SYN3: variants seen among roughly 807,000 people sequenced by gnomAD.
SYN3 encodes the protein synapsin III.
SYN3 carries 35 observed loss-of-function variants against 65.8 expected under a neutral mutation model. The ratio of observed to expected loss-of-function variants is 0.53; its 90% CI spans 0.41 to 0.70. SYN3 has a LOEUF of 0.70. Ranked by LOEUF, SYN3 falls within the 30% of genes least tolerant of loss-of-function variation. The pLI is 0.00. For missense variants in SYN3, 680 were observed against 749.0 expected, an observed-to-expected ratio of 0.91 and a Z score of 1.08; for synonymous variants, 270 against 292.9, an observed-to-expected ratio of 0.92 and a Z score of 0.80.
intron 8 of SYN3, among the ~76,000 whole-genome samples, chr22:32,539,791 G>GA (rs57215045): frequency 0.052 from 7,708 of 147,372 alleles, 242 homozygotes; most frequent in South Asian, 0.078. Context: ...TAATCCTCAA[G>GA]AAAAAAAAAA....
chr22:32,948,003 G>C (rs542134959), intron 3 of SYN3, among the ~76,000 whole-genome samples: 37 of 152,286 alleles, frequency 2.4e-4, no homozygotes, highest in African/African-American at 8.7e-4. Flanking sequence ...CTCGTTTCCT[G>C]GGAGAGACTC....
intron 6 of SYN3, among the ~76,000 whole-genome samples, chr22:32,751,801 T>C (rs6518791): frequency 0.072 from 10,894 of 152,198 alleles, 1,308 homozygotes; most frequent in African/African-American, 0.25. Flanking sequence ...AAATCTTGTT[T>C]TATGATGGCC....
At chr22:32,669,080 A>G (rs1288303688) in intron 6 of SYN3, among the ~76,000 whole-genome samples, 1 of 152,232 alleles carries the variant, frequency 6.6e-6, no homozygotes, top group Non-Finnish European at 1.5e-5. Context: ...ATGTAAATCT[A>G]TATTTTGCAG....
rs550205814 is a variant in SYN3, at chr22:32,549,321, A to C, written c.775-7608T>G. Among the ~76,000 whole-genome samples, 24 of 152,034 alleles carry C rather than the reference A, an allele frequency of 1.6e-4. 1 individual carries two copies. The highest frequency in any genetic ancestry group is 5.8e-4 in the African/African-American group (24 of 41,470). ...CAGGCTGGAATGCAGTGGCATGATC[A>C]TGGCTTACTGTAGCTTCAACCTCCT... On this transcript the variant is annotated intron_variant, in intron 7 of 13. Transcript: ENST00000358763.
chr22:32,582,131 C>T (rs1335801857), intron 7 of SYN3, among the ~76,000 whole-genome samples: 1 of 152,114 alleles, frequency 6.6e-6, no homozygotes, highest in Admixed American at 6.5e-5. Context: ...ATCTGGAAAT[C>T]AGGCTTCCCT....
chr22:32,554,535 C>T (rs1020318720), intron 7 of SYN3, among the ~76,000 whole-genome samples: 9 of 152,136 alleles, frequency 5.9e-5, no homozygotes, highest in Non-Finnish European at 1.2e-4. Flanking sequence ...TGCAAGCTCT[C>T]TGTCCTTAGG....
chr22:32,916,611 C>T (rs1199642972), intron 4 of SYN3, among the ~76,000 whole-genome samples: 2 of 152,160 alleles, frequency 1.3e-5, no homozygotes, highest in Non-Finnish European at 2.9e-5. Context: ...CCCAGGCTAG[C>T]TGTGCAATGG....
chr22:33,048,478 G>A (rs1489088881), intron 1 of SYN3, among the ~76,000 whole-genome samples: 1 of 152,148 alleles, frequency 6.6e-6, no homozygotes, highest in Non-Finnish European at 1.5e-5. Flanking sequence ...TTTGGTGATG[G>A]GGGTGGATCC....
At chr22:32,660,116 G>A (rs2060196244) in intron 6 of SYN3, among the ~76,000 whole-genome samples, 1 of 152,154 alleles carries the variant, frequency 6.6e-6, no homozygotes, top group South Asian at 2.1e-4. Flanking sequence ...CATGCATTGA[G>A]CACCCATTAC....
rs56377603 is a variant in SYN3 at position 32,995,528 on chromosome 22, C to T, written c.311+10824G>A. 5.7e-3 allele frequency among the ~76,000 whole-genome samples: 875 copies of T among 152,322 alleles called. 6 individuals are homozygous for T. The highest frequency in any genetic ancestry group is 0.028 in the South Asian group (136 of 4,828). On this transcript the variant is annotated intron_variant, in intron 2 of 13. Coordinates refer to ENST00000358763, the MANE Select transcript of SYN3 (RefSeq NM_003490.4). Reference sequence around the variant, plus strand: ...TTGTGCCAGCTCTGAGTTCACCCCCCATCCTTCCTCCACGTGGCACAGGTG... The same window carrying T: ...TTGTGCCAGCTCTGAGTTCACCCCCTATCCTTCCTCCACGTGGCACAGGTG...
At position 32,689,423 on chromosome 22, in the gene SYN3, T is replaced by C. The variant is rs1023551374; in HGVS notation, c.712-92687A>G. 7.5e-3 allele frequency among the ~76,000 whole-genome samples: 1,136 copies of C among 152,300 alleles called. 16 individuals carry two copies. Among genetic ancestry groups the C allele is most frequent in the African/African-American group, 0.026 (1,089 of 41,580 alleles). Reference sequence around the variant, plus strand: ...CCCGTGTCACGGGGTACCATGAGAATTGGAGTAAGATACAGGAAGCCATTT... The same window carrying C: ...CCCGTGTCACGGGGTACCATGAGAACTGGAGTAAGATACAGGAAGCCATTT... On this transcript the variant is annotated intron_variant, in intron 6 of 13. Coordinates refer to ENST00000358763, the MANE Select transcript of SYN3 (RefSeq NM_003490.4).
chr22:32,935,216 G>T (rs545849243), intron 3 of SYN3, among the ~76,000 whole-genome samples: 4 of 152,086 alleles, frequency 2.6e-5, no homozygotes, highest in African/African-American at 9.6e-5. Flanking sequence ...GCCAGGTAAA[G>T]CTCCTTTATT....
chr22:32,955,989 G>T (rs972034027), intron 3 of SYN3, among the ~76,000 whole-genome samples: 2 of 148,818 alleles, frequency 1.3e-5, no homozygotes, highest in Non-Finnish European at 3.0e-5. Flanking sequence ...ATTGCAGATG[G>T]CCTATTGTGT....
intron 1 of SYN3, among the ~76,000 whole-genome samples, chr22:33,033,240 A>G (rs532785172): frequency 2.0e-5 from 3 of 152,016 alleles, no homozygotes; most frequent in Admixed American, 2.0e-4. Context: ...ACTTCAGGTG[A>G]TCCACCCACC....
Position 32,751,283 on chromosome 22 carries a change from C to T in SYN3, c.711+113632G>A, listed in dbSNP as rs75399006. On this transcript the variant is annotated intron_variant, in intron 6 of 13. Transcript: ENST00000358763. ...TTTAGAGGTCACTGACCTTAGCAGG[C>T]GCAATTGCAGTGCAGTGGTAAATGG... is the stretch of plus-strand genomic sequence containing the variant. 5.4e-3 allele frequency among the ~76,000 whole-genome samples: 815 copies of T among 152,150 alleles called. 7 individuals are homozygous for T. Among genetic ancestry groups the T allele is most frequent in the East Asian group, 0.035 (183 of 5,168 alleles).
chr22:32,752,041 C>A (rs1483073455), intron 6 of SYN3, among the ~76,000 whole-genome samples: 1 of 152,312 alleles, frequency 6.6e-6, no homozygotes, highest in East Asian at 1.9e-4. Context: ...CTCTTGAGGG[C>A]AAGATTTGTT....
chr22:32,781,940 C>T lies in SYN3; in HGVS notation c.711+82975G>A, dbSNP rs1012555839. ...AAGCAATGTCAAAGATTTCTTATTTCGCAATGAAGTTTTCCTTCCATGTGT... is the reference window on the plus strand; with the variant it reads ...AAGCAATGTCAAAGATTTCTTATTTTGCAATGAAGTTTTCCTTCCATGTGT... On this transcript the variant is annotated intron_variant, in intron 6 of 13. Transcript: ENST00000358763. Among the ~76,000 whole-genome samples the T allele has an allele frequency of 1.1e-4, 16 of 152,146 alleles. 1 individual carries two copies. Among genetic ancestry groups the T allele is most frequent in the South Asian group, 1.0e-3 (5 of 4,822 alleles).
At chr22:32,745,491 G>T (rs76834882) in intron 6 of SYN3, among the ~76,000 whole-genome samples, 279 of 152,306 alleles carry the variant, frequency 1.8e-3, no homozygotes, top group African/African-American at 6.4e-3. Flanking sequence ...CAGGGAATGT[G>T]CAGCTTTGGG....
At chr22:32,882,337 G>A (rs1241411481) in intron 4 of SYN3, among the ~76,000 whole-genome samples, 1 of 152,156 alleles carries the variant, frequency 6.6e-6, no homozygotes, top group South Asian at 2.1e-4. Flanking sequence ...TCTGTCATCA[G>A]TGCAGGGAAG....
Sources: gnomAD v4.1 joint callset for allele counts (sites outside exome capture counted in the v4.1 genomes callset) on GRCh38, gnomAD v4.1.1 for gene constraint, MANE v1.5 for transcripts, NCBI Gene and HGNC (gene_info 2026-07-23, HGNC 2026-07-21) for gene names.